Variants in ANKRD6 observed in about 807,000 individuals in gnomAD.
The protein encoded by ANKRD6 is ankyrin repeat domain 6, also known as ankyrin repeat domain-containing protein 6.
A neutral mutation model predicts 82.3 loss-of-function variants in ANKRD6; 56 were observed. The ratio of observed to expected loss-of-function variants is 0.68; its 90% CI spans 0.55 to 0.85. The LOEUF is 0.85. Ranked by LOEUF, ANKRD6 falls within the 40% of genes least tolerant of loss-of-function variation. The pLI, the probability that ANKRD6 is intolerant of heterozygous loss-of-function variation, is 0.00. For synonymous variants in ANKRD6, 347 were observed against 352.1 expected (o/e 0.99, Z 0.16); for missense variants, 852 against 907.6 (o/e 0.94, Z 0.79).
At chr6:89,621,880 G>A in intron 9 of ANKRD6, 42 bp from the exon 10 acceptor site, 6 of 1,578,596 alleles carry the variant, frequency 3.8e-6, no homozygotes, top group Non-Finnish European at 4.4e-6. Flanking sequence ...CACAGATGCT[G>A]CGCACACCAG....
intron 1 of ANKRD6, among the ~76,000 whole-genome samples, chr6:89,491,626 C>T (rs1350850699): frequency 1.3e-5 from 2 of 149,584 alleles, no homozygotes; most frequent in Non-Finnish European, 3.0e-5. Flanking sequence ...TATCACACAC[C>T]AGGGCCTGTC....
intron 1 of ANKRD6, among the ~76,000 whole-genome samples, chr6:89,471,223 G>A (rs535112214): frequency 6.6e-4 from 101 of 151,964 alleles, no homozygotes; most frequent in Non-Finnish European, 1.1e-3. Flanking sequence ...GTGGTGGCAG[G>A]CGCCTGTAAT....
At position 89,621,958 on chromosome 6, in the gene ANKRD6, AAG is replaced by A. The variant is rs759751652; in HGVS notation, c.838_839del (p.Arg280AlafsTer14). The A allele has an allele frequency of 3.1e-6, 5 of 1,613,782 alleles. No individual in the cohort carries two copies. The highest frequency in any genetic ancestry group is 3.4e-6 in the Non-Finnish European group (4 of 1,179,880). On this transcript the variant is annotated frameshift_variant, in exon 10 of 16. Transcript: ENST00000339746. LOFTEE classifies it high-confidence loss of function. ...RFSRGRSLRK[K>X]RERLKEERRA... is the part of the protein sequence containing the mutation. ...CAGTCGTGGGCGAAGCCTGAGGAAA[AAG>A]AGAGAGAGGCTCAAGGAAGAGAGGA...
At chr6:89,439,819 C>T (rs2127932587) in intron 1 of ANKRD6, among the ~76,000 whole-genome samples, 1 of 152,274 alleles carries the variant, frequency 6.6e-6, no homozygotes, top group African/African-American at 2.4e-5. Flanking sequence ...GTGCCTCAGC[C>T]TCCCGAGTAG....
chr6:89,545,471 T>C (rs1473632462), intron 1 of ANKRD6, among the ~76,000 whole-genome samples: 2 of 152,178 alleles, frequency 1.3e-5, no homozygotes, highest in Non-Finnish European at 2.9e-5. Flanking sequence ...ATAGCAGCAG[T>C]AGCTGAGATA....
At chr6:89,445,361 C>G (rs1158941066) in intron 1 of ANKRD6, among the ~76,000 whole-genome samples, 36 of 150,056 alleles carry the variant, frequency 2.4e-4, no homozygotes. Flanking sequence ...ACCTCCACCT[C>G]CCAGGTTCAA....
chr6:89,621,022 T>C (rs987903956), intron 9 of ANKRD6, among the ~76,000 whole-genome samples: 34 of 151,908 alleles, frequency 2.2e-4, no homozygotes, highest in African/African-American at 8.2e-4. Flanking sequence ...TGAGCCGAGA[T>C]CACGCCACTG....
intron 1 of ANKRD6, among the ~76,000 whole-genome samples, chr6:89,552,516 G>A (rs375939157): frequency 6.6e-5 from 10 of 152,310 alleles, no homozygotes; most frequent in African/African-American, 2.2e-4. Flanking sequence ...TTTGGGCAGC[G>A]CTTGGGAACT....
At chr6:89,555,887 G>A (rs1786526351) in intron 1 of ANKRD6, among the ~76,000 whole-genome samples, 3 of 152,134 alleles carry the variant, frequency 2.0e-5, no homozygotes, top group African/African-American at 7.2e-5. Context: ...GTAACATCAG[G>A]GATCACATAA....
rs1453890018 is a variant in ANKRD6 at position 89,633,530 on chromosome 6, AAAACT to A, written c.*2530_*2534del. On this transcript the variant is annotated 3_prime_UTR_variant, in exon 16 of 16. Coordinates refer to ENST00000339746, the MANE Select transcript of ANKRD6 (RefSeq NM_001242809.2). The stretch of plus-strand genomic sequence containing the variant: ...GCTGAAATTTTCAACAGCTGTGGGA[AAAACT>A]AAAACACAGAAATACTGTACAGTAT... 2 of 152,240 alleles carry A rather than the reference AAAACT, an allele frequency of 1.3e-5. No individual in the cohort carries two copies. The highest frequency in any genetic ancestry group is 4.8e-5 in the African/African-American group (2 of 41,460). 9.4% of individuals were successfully genotyped at this position (152,240 alleles called of 1,614,324 possible).
intron 1 of ANKRD6, among the ~76,000 whole-genome samples, chr6:89,507,950 T>G (rs566030201): frequency 6.6e-6 from 1 of 152,300 alleles, no homozygotes; most frequent in South Asian, 2.1e-4. Flanking sequence ...TTATGCAGCC[T>G]ACACTTTTCC....
chr6:89,623,017 G>A (rs1340374365), intron 10 of ANKRD6, among the ~76,000 whole-genome samples: 3 of 127,430 alleles, frequency 2.4e-5, no homozygotes, highest in African/African-American at 8.0e-5. Flanking sequence ...TGGGGGAGTG[G>A]GGGGTGGGGG....
At position 89,450,609 on chromosome 6, in the gene ANKRD6, C is replaced by T. The variant is rs144865690; in HGVS notation, c.-144+17234C>T. ...CATAGCTCAGTGCCACCTTGAATTC[C>T]TGGGCTAAAACAATCCTCCTGCTTC... On this transcript the variant is annotated intron_variant, in intron 1 of 15. Coordinates refer to ENST00000339746, the MANE Select transcript of ANKRD6 (RefSeq NM_001242809.2). Among the ~76,000 whole-genome samples the T allele has an allele frequency of 4.6e-3, 705 of 152,248 alleles. 2 individuals carry two copies. The highest frequency in any genetic ancestry group is 6.8e-3 in the Middle Eastern group (2 of 294).
chr6:89,557,890 A>G (rs1241643705), intron 1 of ANKRD6, among the ~76,000 whole-genome samples: 2 of 151,532 alleles, frequency 1.3e-5, no homozygotes, highest in African/African-American at 4.9e-5. Flanking sequence ...ATGATCTGTC[A>G]CTGTCTCCTG....
At chr6:89,527,895 A>G (rs992292103) in intron 1 of ANKRD6, among the ~76,000 whole-genome samples, 3 of 152,076 alleles carry the variant, frequency 2.0e-5, no homozygotes, top group African/African-American at 7.2e-5. Flanking sequence ...CTGTAACCTC[A>G]AACTCCCAGG....
At chr6:89,593,737 G>A (rs990904956) in intron 2 of ANKRD6, among the ~76,000 whole-genome samples, 4 of 152,158 alleles carry the variant, frequency 2.6e-5, no homozygotes, top group African/African-American at 9.7e-5. Context: ...GCATGGGTGG[G>A]GCCATGGTTC....
intron 1 of ANKRD6, among the ~76,000 whole-genome samples, chr6:89,551,970 G>A (rs1466234672): frequency 6.6e-6 from 1 of 152,186 alleles, no homozygotes; most frequent in Non-Finnish European, 1.5e-5. Context: ...TTACAAAGAT[G>A]TGGCAGAATT....
intron 1 of ANKRD6, among the ~76,000 whole-genome samples, chr6:89,451,184 C>G (rs377684274): frequency 2.6e-5 from 4 of 152,054 alleles, no homozygotes; most frequent in African/African-American, 9.6e-5. Context: ...TGGCGTGTGC[C>G]TGTGGTCTCA....
intron 1 of ANKRD6, among the ~76,000 whole-genome samples, chr6:89,554,444 G>A (rs958047081): frequency 1.6e-4 from 2 of 12,372 alleles, no homozygotes; most frequent in African/African-American, 3.4e-4. Context: ...ACTTAATCAC[G>A]TCTTTTTTTT....
Sources: gnomAD v4.1 joint callset for allele counts (sites outside exome capture counted in the v4.1 genomes callset) on GRCh38, gnomAD v4.1.1 for gene constraint, MANE v1.5 for transcripts, NCBI Gene and HGNC (gene_info 2026-07-23, HGNC 2026-07-21) for gene names.